Variants in SLC44A5 observed in about 807,000 individuals in gnomAD.
SLC44A5 encodes the protein choline transporter-like protein 5.
Under a neutral mutation model 101.8 loss-of-function variants are expected in SLC44A5, and 57 were observed. That is an observed-to-expected ratio of 0.56 (90% CI 0.45 to 0.70). SLC44A5 has a LOEUF of 0.70. SLC44A5 is among the 30% of genes least tolerant of loss of function. The pLI, the probability that SLC44A5 is intolerant of heterozygous loss-of-function variation, is 0.00. For synonymous variants in SLC44A5, 281 were observed against 290.9 expected, an observed-to-expected ratio of 0.97 and a Z score of 0.35; for missense variants, 737 against 853.1, an observed-to-expected ratio of 0.86 and a Z score of 1.70.
At chr1:75,536,600 C>CAA (rs1192432333) in intron 2 of SLC44A5, among the ~76,000 whole-genome samples, 41 of 32,306 alleles carry the variant, frequency 1.3e-3, no homozygotes, top group African/African-American at 3.3e-3. Context: ...GACTCCATCT[C>CAA]AAAAAAAAAA....
At position 75,466,496 on chromosome 1, in the gene SLC44A5, A is replaced by G. The variant is rs377244117; in HGVS notation, c.14-69875T>C. ...ATAGTGAAACCCTGTCTCTACTAAA[A>G]ATACAAAAAGTTAGCTGGGCGTGGT... On this transcript the variant is annotated intron_variant, in intron 2 of 23. Transcript: ENST00000370859. Among the ~76,000 whole-genome samples, 25 of 152,010 alleles carry G rather than the reference A, an allele frequency of 1.6e-4. No homozygotes were observed. In the East Asian group the frequency reaches 4.7e-3, roughly 28 times the overall value.
chr1:75,352,763 C>A (rs985996641), intron 3 of SLC44A5, among the ~76,000 whole-genome samples: 2 of 152,088 alleles, frequency 1.3e-5, no homozygotes, highest in Admixed American at 6.6e-5. Flanking sequence ...TAAATATATA[C>A]CCCATACTAC....
the SLC44A5 span, among the ~76,000 whole-genome samples, chr1:75,648,445 G>A: frequency 6.6e-6 from 1 of 152,112 alleles, no homozygotes. Flanking sequence ...TAATAAACTG[G>A]AAGTAACTTA....
intron 1 of SLC44A5, among the ~76,000 whole-genome samples, chr1:75,563,823 G>A (rs1485644947): frequency 1.3e-5 from 2 of 152,060 alleles, no homozygotes; most frequent in African/African-American, 2.4e-5. Context: ...TTTCAAACAG[G>A]TGTCTGAAAA....
chr1:75,647,090 T>A, the SLC44A5 span, among the ~76,000 whole-genome samples: 1 of 152,198 alleles, frequency 6.6e-6, no homozygotes, highest in Admixed American at 6.5e-5. Flanking sequence ...CCTGGAGGCC[T>A]ACGAAGAAAA....
chr1:75,261,478 G>A (rs1650498199), intron 6 of SLC44A5, among the ~76,000 whole-genome samples: 1 of 152,090 alleles, frequency 6.6e-6, no homozygotes, highest in Non-Finnish European at 1.5e-5. Flanking sequence ...GGGAGAAGTT[G>A]AATCCTGGAA....
chr1:75,698,469 A>C, the SLC44A5 span, among the ~76,000 whole-genome samples: 11 of 152,316 alleles, frequency 7.2e-5, no homozygotes, highest in Admixed American at 2.0e-4. Context: ...AAACTAACAA[A>C]CAGAAAGGGT....
intron 6 of SLC44A5, among the ~76,000 whole-genome samples, chr1:75,253,939 A>C (rs1450368101): frequency 6.6e-6 from 1 of 152,154 alleles, no homozygotes; most frequent in East Asian, 1.9e-4. Flanking sequence ...TATTTATCTC[A>C]AAGTTTTTTC....
At chr1:75,621,222 T>A in the SLC44A5 span, among the ~76,000 whole-genome samples, 1 of 152,202 alleles carries the variant, frequency 6.6e-6, no homozygotes, top group East Asian at 1.9e-4. Flanking sequence ...TGGCCTCATC[T>A]CTATTTCCCT....
At chr1:75,422,462 T>A (rs1664066909) in intron 2 of SLC44A5, among the ~76,000 whole-genome samples, 1 of 152,222 alleles carries the variant, frequency 6.6e-6, no homozygotes, top group South Asian at 2.1e-4. Context: ...CTAGTTTTGT[T>A]TCACCTCAAA....
chr1:75,362,419 T>C (rs2101121212), intron 3 of SLC44A5, among the ~76,000 whole-genome samples: 1 of 152,108 alleles, frequency 6.6e-6, no homozygotes, highest in Non-Finnish European at 1.5e-5. Flanking sequence ...GATATAGGCA[T>C]TTATTGCTAT....
At chr1:75,429,303 G>A (rs1463580419) in intron 2 of SLC44A5, among the ~76,000 whole-genome samples, 2 of 152,200 alleles carry the variant, frequency 1.3e-5, no homozygotes, top group African/African-American at 4.8e-5. Context: ...CACATTCTAA[G>A]TTATTCGACT....
intron 1 of SLC44A5, among the ~76,000 whole-genome samples, chr1:75,589,057 C>T (rs390796): frequency 0.34 from 52,386 of 152,026 alleles, 9,425 homozygotes; most frequent in Non-Finnish European, 0.4. Context: ...TAGAAGTCAA[C>T]GTTAAGTTTG....
At chr1:75,653,327 C>A in the SLC44A5 span, among the ~76,000 whole-genome samples, 1 of 152,054 alleles carries the variant, frequency 6.6e-6, no homozygotes, top group African/African-American at 2.4e-5. Context: ...ACTAAAAATA[C>A]AAAAATTAGC....
At chr1:75,537,138 A>T (rs1031171374) in intron 2 of SLC44A5, among the ~76,000 whole-genome samples, 1 of 150,306 alleles carries the variant, frequency 6.7e-6, no homozygotes, top group African/African-American at 2.4e-5. Flanking sequence ...GGTAATTTGA[A>T]GCAACTACTA....
At chr1:75,454,832 G>A (rs1666098114) in intron 2 of SLC44A5, among the ~76,000 whole-genome samples, 1 of 151,972 alleles carries the variant, frequency 6.6e-6, no homozygotes, top group Non-Finnish European at 1.5e-5. Context: ...AACCATGGTG[G>A]TTAAAGATCT....
intron 4 of SLC44A5, among the ~76,000 whole-genome samples, chr1:75,308,934 T>G (rs992444365): frequency 6.6e-6 from 1 of 152,164 alleles, no homozygotes; most frequent in Non-Finnish European, 1.5e-5. Flanking sequence ...ATTTGTCACC[T>G]CAAATTTTAA....
chr1:75,264,797 G>A (rs1650852917), intron 6 of SLC44A5, among the ~76,000 whole-genome samples: 1 of 151,320 alleles, frequency 6.6e-6, no homozygotes, highest in Non-Finnish European at 1.5e-5. Flanking sequence ...GAACAAAATA[G>A]AGATTAAAAA....
intron 4 of SLC44A5, among the ~76,000 whole-genome samples, chr1:75,322,176 G>T (rs1366572653): frequency 6.6e-6 from 1 of 152,080 alleles, no homozygotes; most frequent in Non-Finnish European, 1.5e-5. Context: ...GCCTGGTGTG[G>T]TGGCACATGC....
Sources: allele counts gnomAD v4.1 joint callset (sites outside exome capture counted in the v4.1 genomes callset), GRCh38; gene constraint gnomAD v4.1.1; transcripts MANE v1.5; gene names NCBI Gene and HGNC (gene_info 2026-07-23, HGNC 2026-07-21).